Variants in TBXAS1 observed in about 807,000 individuals in gnomAD.
TBXAS1 encodes thromboxane-A synthase.
In TBXAS1, 48 loss-of-function variants were observed where a neutral mutation model predicts 60.7. That is an observed-to-expected ratio of 0.79 (90% CI 0.63 to 1.01). TBXAS1 has a LOEUF of 1.01. Ranked by LOEUF, TBXAS1 falls within the 50% of genes least tolerant of loss-of-function variation. The probability of loss-of-function intolerance (pLI) is 0.00; values close to 1 mark genes in which losing one functional copy is unlikely to be tolerated. For synonymous variants in TBXAS1, 287 were observed against 269.7 expected (o/e 1.06, Z -0.63); for missense variants, 685 against 686.3 (o/e 1.00, Z 0.02).
At chr7:139,890,467 G>A (rs940147274) in intron 3 of TBXAS1, among the ~76,000 whole-genome samples, 10 of 151,678 alleles carry the variant, frequency 6.6e-5, no homozygotes, top group Non-Finnish European at 7.4e-5. Flanking sequence ...CACCCGCCTC[G>A]GCCTCCCAAA....
intron 3 of TBXAS1, among the ~76,000 whole-genome samples, chr7:139,784,747 T>C (rs976949987): frequency 1.3e-5 from 2 of 152,228 alleles, no homozygotes; most frequent in Non-Finnish European, 2.9e-5. Context: ...AATTCAATTT[T>C]GAACATGTTG....
intron 4 of TBXAS1, among the ~76,000 whole-genome samples, chr7:139,924,836 T>G (rs988580277): frequency 6.6e-6 from 1 of 152,346 alleles, no homozygotes; most frequent in Admixed American, 6.5e-5. Context: ...TTTTTGTATA[T>G]GGTGAGAGAT....
intron 3 of TBXAS1, among the ~76,000 whole-genome samples, chr7:139,786,043 A>G (rs1318870774): frequency 1.4e-5 from 2 of 147,552 alleles, no homozygotes; most frequent in Non-Finnish European, 3.0e-5. Flanking sequence ...CCTATCTAGT[A>G]TTAGAGGGTT....
intron 1 of TBXAS1, among the ~76,000 whole-genome samples, chr7:139,853,127 C>G (rs535098957): frequency 6.6e-6 from 1 of 152,082 alleles, no homozygotes; most frequent in Admixed American, 6.5e-5. Context: ...ACAGATTTAT[C>G]TGTCCTTATT....
intron 9 of TBXAS1, among the ~76,000 whole-genome samples, chr7:139,986,730 TATATATATACATAC>T (rs777366267): frequency 0.024 from 1,015 of 42,086 alleles, 50 homozygotes; most frequent in African/African-American, 0.1. Flanking sequence ...ATCATATATA[TATATATATACATAC>T]ATATATATAT....
chr7:139,897,755 C>T (rs1804223975), intron 3 of TBXAS1, among the ~76,000 whole-genome samples: 1 of 152,124 alleles, frequency 6.6e-6, no homozygotes, highest in Admixed American at 6.5e-5. Context: ...AGGGTGGACC[C>T]CAGGCATGAG....
At chr7:139,824,837 T>C (rs1311804637), upstream of TBXAS1, among the ~76,000 whole-genome samples, 2 of 147,228 alleles carry the variant, frequency 1.4e-5, no homozygotes, top group Admixed American at 6.7e-5. Context: ...TTCTTTTTTT[T>C]TTTTTTTTTT....
Position 139,829,297 on chromosome 7 carries a change from C to T in TBXAS1, c.-94C>T, listed in dbSNP as rs1585566771. ...TGATGTTTGCTTGGTTGCCTGTTCC[C>T]TTTTCTACCTGCAGAGCACGGTTCC... is the stretch of plus-strand genomic sequence containing the variant. On this transcript the variant is annotated 5_prime_UTR_variant, in exon 1 of 13. Transcript: ENST00000448866. 2.5e-6 allele frequency: 3 copies of T among 1,221,052 alleles called. No individual in the cohort carries two copies. The East Asian group carries it at 7.4e-5, about 30-fold the overall frequency. The allele number at this position is 1,221,052 out of a possible 1,614,324, so 75.6% of individuals were successfully genotyped here. A position where few individuals can be genotyped will look rare whatever the true frequency, so the allele number is the denominator to read the frequency against.
intron 1 of TBXAS1, among the ~76,000 whole-genome samples, chr7:139,843,385 C>G (rs1418865356): frequency 2.6e-5 from 4 of 151,890 alleles, no homozygotes; most frequent in Admixed American, 2.6e-4. Flanking sequence ...CTCTGTCATC[C>G]AGGCTGGAGT....
intron 1 of TBXAS1, among the ~76,000 whole-genome samples, chr7:139,860,183 G>T (rs938807644): frequency 2.6e-5 from 4 of 152,136 alleles, no homozygotes; most frequent in African/African-American, 9.7e-5. Flanking sequence ...GGCTGTTTCA[G>T]TGGTAGGGCT....
At position 139,905,615 on chromosome 7, in the gene TBXAS1, G is replaced by T. The variant is rs951339806; in HGVS notation, c.237-5610G>T. On this transcript the variant is annotated intron_variant, in intron 3 of 12. Transcript: ENST00000448866. ...ATCCTTTCCTGGTTTTGGTTTTAGG[G>T]TGATGCTGGCTTCATAGAATGAGTT... Among the ~76,000 whole-genome samples, 4 of 152,136 alleles carry T rather than the reference G, an allele frequency of 2.6e-5. No homozygotes were observed. In the East Asian group the frequency reaches 5.8e-4, roughly 22 times the overall value.
intron 4 of TBXAS1, among the ~76,000 whole-genome samples, chr7:139,807,591 G>A (rs1425400156): frequency 6.6e-6 from 1 of 152,054 alleles, no homozygotes; most frequent in African/African-American, 2.4e-5. Context: ...CACCATGTTG[G>A]CCAGGATGGT....
rs185184042 is a variant in TBXAS1 at position 140,004,271 on chromosome 7, G to C, written c.1135-2820G>C. Among the ~76,000 whole-genome samples the C allele has an allele frequency of 1.1e-4, 16 of 152,186 alleles. No homozygotes were observed. Among genetic ancestry groups the C allele is most frequent in the Non-Finnish European group, 1.0e-4 (7 of 68,038 alleles). On this transcript the variant is annotated intron_variant, in intron 9 of 12. Coordinates refer to ENST00000448866, the MANE Select transcript of TBXAS1 (RefSeq NM_001061.7). The surrounding 1 kb of genome is among the most constrained non-coding windows in gnomAD (Gnocchi z 5.1). ...CCCAAAGCAGGGGGACGTGTCCATCGTGGTACTCAGCGAGCTTCTTTGTTT... is the reference window on the plus strand; with the variant it reads ...CCCAAAGCAGGGGGACGTGTCCATCCTGGTACTCAGCGAGCTTCTTTGTTT...
At position 139,906,172 on chromosome 7, in the gene TBXAS1, C is replaced by T. The variant is rs560578710; in HGVS notation, c.237-5053C>T. 1.7e-4 allele frequency: 53 copies of T among 315,048 alleles called. No individual in the cohort carries two copies. In the East Asian group the frequency reaches 6.0e-3, roughly 36 times the overall value. The allele number at this position is 315,048 out of a possible 1,614,324, so 19.5% of individuals were successfully genotyped here. On this transcript the variant is annotated intron_variant, in intron 3 of 12. Coordinates refer to ENST00000448866, the MANE Select transcript of TBXAS1 (RefSeq NM_001061.7). ...CCAGGTTCAAGCAATTCTCCTGCCT[C>T]AGCCTCCTGAGTAGCTGGCACTACA... is the stretch of plus-strand genomic sequence containing the variant.
At chr7:139,902,430 A>T (rs1048405815) in intron 3 of TBXAS1, among the ~76,000 whole-genome samples, 2 of 152,144 alleles carry the variant, frequency 1.3e-5, no homozygotes, top group Non-Finnish European at 2.9e-5. Context: ...AAATTTGTGC[A>T]TGTAACAATA....
At chr7:139,873,386 A>C (rs983246745) in intron 2 of TBXAS1, among the ~76,000 whole-genome samples, 1 of 152,222 alleles carries the variant, frequency 6.6e-6, no homozygotes, top group Non-Finnish European at 1.5e-5. Context: ...AGGGAGAAGA[A>C]CATAGGTTAG....
At chr7:139,875,789 T>G in intron 3 of TBXAS1, 152 bp downstream of exon 3, 1 of 1,009,852 alleles carries the variant, frequency 9.9e-7, no homozygotes, top group Non-Finnish European at 1.5e-6. Flanking sequence ...AAAGAGGGAG[T>G]CCTGCAGTAC....
chr7:139,908,699 C>T (rs1286870258), intron 3 of TBXAS1, among the ~76,000 whole-genome samples: 3 of 152,106 alleles, frequency 2.0e-5, no homozygotes, highest in African/African-American at 7.2e-5. Context: ...TTTGCTTCAA[C>T]CATCAAGAAT....
chr7:139,848,095 A>G (rs901154633), intron 1 of TBXAS1, among the ~76,000 whole-genome samples: 1 of 152,162 alleles, frequency 6.6e-6, no homozygotes, highest in African/African-American at 2.4e-5. Flanking sequence ...AGCTGGGACT[A>G]TAGGTGCATG....
Sources: allele counts gnomAD v4.1 joint callset (sites outside exome capture counted in the v4.1 genomes callset), GRCh38; gene constraint gnomAD v4.1.1; non-coding constraint Gnocchi (gnomAD v3.1); transcripts MANE v1.5; gene names NCBI Gene and HGNC (gene_info 2026-07-23, HGNC 2026-07-21).